ARAP2: variants seen among roughly 807,000 people sequenced by gnomAD.
ARAP2 encodes the protein ArfGAP with RhoGAP domain, ankyrin repeat and PH domain 2.
Under a neutral mutation model 194.5 loss-of-function variants are expected in ARAP2, and 148 were observed. That is an observed-to-expected ratio of 0.76 (90% CI 0.67 to 0.87). ARAP2 has a LOEUF of 0.87. ARAP2 is among the 40% of genes least tolerant of loss of function. ARAP2 has a pLI of 0.00. For missense variants in ARAP2, 2,128 were observed against 1,989.7 expected, an observed-to-expected ratio of 1.07 and a Z score of -1.32; for synonymous variants, 695 against 683.5, an observed-to-expected ratio of 1.02 and a Z score of -0.26.
intron 30 of ARAP2, 114 bp from the exon 31 acceptor site, chr4:36,080,393 C>G (rs949750632): frequency 1.3e-6 from 1 of 760,410 alleles, no homozygotes; most frequent in African/African-American, 1.8e-5. Flanking sequence ...TGATTAATGA[C>G]GTAATGCAAT....
intron 19 of ARAP2, among the ~76,000 whole-genome samples, chr4:36,142,555 A>AATC (rs1481826409): frequency 6.6e-6 from 1 of 151,334 alleles, no homozygotes; most frequent in Non-Finnish European, 1.5e-5. Flanking sequence ...AGGGACTCCA[A>AATC]ATCACTTATC....
chr4:36,190,121 C>T (rs1326921340), intron 7 of ARAP2, among the ~76,000 whole-genome samples: 3 of 152,218 alleles, frequency 2.0e-5, no homozygotes, highest in Admixed American at 6.5e-5. Flanking sequence ...TGCTCTGCAA[C>T]GAATTGTCTT....
At chr4:36,093,634 A>T (rs1264345805) in intron 27 of ARAP2, among the ~76,000 whole-genome samples, 1 of 152,126 alleles carries the variant, frequency 6.6e-6, no homozygotes, top group Non-Finnish European at 1.5e-5. Flanking sequence ...CTTAAAAAAA[A>T]ATTGTATTTT....
At chr4:36,018,302 T>A (rs1466869852) in intron 6 of ARAP2, among the ~76,000 whole-genome samples, 2 of 152,130 alleles carry the variant, frequency 1.3e-5, no homozygotes, top group Non-Finnish European at 2.9e-5. Context: ...CTCAATATTC[T>A]ATGAGAAATT....
chr4:36,122,002 T>C (rs1351690537), intron 22 of ARAP2, among the ~76,000 whole-genome samples: 7 of 151,230 alleles, frequency 4.6e-5, no homozygotes. Flanking sequence ...CTTAAAAGAG[T>C]TGTTAAACTG....
intron 8 of ARAP2, among the ~76,000 whole-genome samples, chr4:36,015,011 T>C (rs1029747350): frequency 3.3e-5 from 5 of 152,070 alleles, no homozygotes; most frequent in African/African-American, 1.2e-4. Flanking sequence ...AAGTTTTGAG[T>C]ATGAAAAAAG....
chr4:36,217,804 A>G (rs1021474422), intron 2 of ARAP2, among the ~76,000 whole-genome samples: 4 of 151,386 alleles, frequency 2.6e-5, no homozygotes, highest in Admixed American at 1.3e-4. Context: ...TACTAGATAT[A>G]TGATAATACT....
At chr4:36,183,121 G>GA (rs1739664749) in intron 8 of ARAP2, among the ~76,000 whole-genome samples, 1 of 152,018 alleles carries the variant, frequency 6.6e-6, no homozygotes, top group African/African-American at 2.4e-5. Context: ...GTCTTCAAAG[G>GA]AAACACTTAG....
At chr4:36,070,820 C>T (rs556651028) in intron 32 of ARAP2, among the ~76,000 whole-genome samples, 9 of 152,250 alleles carry the variant, frequency 5.9e-5, no homozygotes, top group Admixed American at 2.0e-4. Flanking sequence ...ACACTTTAAA[C>T]GCTTTAAACT....
In ARAP2 at chr4:36,080,199, TCAAA is replaced by T. The variant is rs779649815; in HGVS notation, c.4608+13_4608+16del. 6.2e-7 allele frequency: 1 copy of T among 1,607,394 alleles called. No individual in the cohort carries two copies. The highest frequency in any genetic ancestry group is 8.5e-7 in the Non-Finnish European group (1 of 1,174,278). On this transcript the variant is annotated intron_variant, in intron 31 of 32. Transcript: ENST00000303965. ...AAGTTATTATACTCTACTGGATAGT[TCAAA>T]CAAATCTCGTACCTGGGCAATAAAG...
chr4:36,165,623 G>A (rs994027146), intron 10 of ARAP2, among the ~76,000 whole-genome samples: 1 of 151,668 alleles, frequency 6.6e-6, no homozygotes, highest in Admixed American at 6.6e-5. Flanking sequence ...AAGGAACTGG[G>A]AAATCAAAAA....
At chr4:36,219,230 C>T (rs1434641501) in intron 2 of ARAP2, among the ~76,000 whole-genome samples, 1 of 152,168 alleles carries the variant, frequency 6.6e-6, no homozygotes, top group Non-Finnish European at 1.5e-5. Context: ...GGTCTGTACT[C>T]AACGGCCATG....
intron 1 of ARAP2, among the ~76,000 whole-genome samples, chr4:36,058,609 C>T (rs944469715): frequency 1.3e-5 from 2 of 152,074 alleles, no homozygotes; most frequent in African/African-American, 4.8e-5. Context: ...TATTTTGTTT[C>T]CCATTGTTTC....
At chr4:36,127,828 T>C (rs1203193926) in intron 21 of ARAP2, among the ~76,000 whole-genome samples, 2 of 151,912 alleles carry the variant, frequency 1.3e-5, no homozygotes, top group African/African-American at 4.8e-5. Flanking sequence ...GACTATAATA[T>C]GGAAAAATAA....
intron 14 of ARAP2, among the ~76,000 whole-genome samples, chr4:36,159,098 G>A (rs977910342): frequency 5.3e-5 from 8 of 152,118 alleles, no homozygotes; most frequent in African/African-American, 1.7e-4. Context: ...GATTATGTGG[G>A]ATTAGCTATT....
intron 9 of ARAP2, among the ~76,000 whole-genome samples, chr4:36,171,515 T>C (rs1736622201): frequency 6.6e-6 from 1 of 150,548 alleles, no homozygotes; most frequent in South Asian, 2.1e-4. Context: ...CTCTGGGGAC[T>C]GTTGTGGGGT....
At chr4:36,229,673 A>G (rs900990240) in intron 1 of ARAP2, 28 bp from the exon 2 acceptor site, 2 of 438,438 alleles carry the variant, frequency 4.6e-6, no homozygotes, top group Non-Finnish European at 8.0e-6. Flanking sequence ...ATGATTCATT[A>G]GGCTATTTTA....
intron 9 of ARAP2, among the ~76,000 whole-genome samples, chr4:36,174,134 G>T (rs1295124275): frequency 6.6e-6 from 1 of 152,184 alleles, no homozygotes; most frequent in Non-Finnish European, 1.5e-5. Context: ...ATGAGAAGAT[G>T]CCCCCTGCAT....
intron 30 of ARAP2, among the ~76,000 whole-genome samples, chr4:36,081,955 G>A (rs1346700523): frequency 6.6e-6 from 1 of 152,078 alleles, no homozygotes; most frequent in East Asian, 1.9e-4. Flanking sequence ...TTCTTATTCT[G>A]TTTTAAAACT....
Sources: allele counts gnomAD v4.1 joint callset (sites outside exome capture counted in the v4.1 genomes callset), GRCh38; gene constraint gnomAD v4.1.1; transcripts MANE v1.5; gene names NCBI Gene and HGNC (gene_info 2026-07-23, HGNC 2026-07-21).